The following KMO variants were observed in gnomAD, a reference collection of about 807,000 sequenced individuals.
KMO encodes the protein kynurenine 3-monooxygenase, also known as kynurenine 3-hydroxylase.
A neutral mutation model predicts 57.8 loss-of-function variants in KMO; 24 were observed. The ratio of observed to expected loss-of-function variants is 0.42; its 90% CI spans 0.30 to 0.58. KMO has a LOEUF of 0.58. KMO is among the 20% of genes least tolerant of loss of function. The pLI, the probability that KMO is intolerant of heterozygous loss-of-function variation, is 0.22. For missense variants in KMO, 483 were observed against 588.2 expected (o/e 0.82, Z 1.85); for synonymous variants, 210 against 193.6 (o/e 1.08, Z -0.70).
rs542482062 is a variant in KMO at position 241,595,029 on chromosome 1, T to C, written c.*2876T>C. On this transcript the variant is annotated 3_prime_UTR_variant, in exon 15 of 15. Transcript: ENST00000366559. ...CCACAAATATTCAGTGGGCATCTACTAGGTGACAGCCACTGTGCTATAATT... is the reference window on the plus strand; with the variant it reads ...CCACAAATATTCAGTGGGCATCTACCAGGTGACAGCCACTGTGCTATAATT... 56 of 199,490 alleles carry C rather than the reference T, an allele frequency of 2.8e-4. No individual in the cohort carries two copies. The highest frequency in any genetic ancestry group is 9.3e-4 in the South Asian group (7 of 7,500). 12.4% of individuals were successfully genotyped at this position (199,490 alleles called of 1,614,324 possible). A position where few individuals can be genotyped will look rare whatever the true frequency, so the allele number is the denominator to read the frequency against.
intron 12 of KMO, among the ~76,000 whole-genome samples, 165 bp from the exon 13 acceptor site, chr1:241,589,847 C>A (rs931455182): frequency 4.6e-5 from 7 of 152,180 alleles, no homozygotes; most frequent in African/African-American, 1.7e-4. Context: ...CCTATATGAC[C>A]GACATTTACC....
chr1:241,566,217 G>C (rs1558422787), intron 8 of KMO, among the ~76,000 whole-genome samples: 1 of 151,906 alleles, frequency 6.6e-6, no homozygotes, highest in South Asian at 2.1e-4. Flanking sequence ...AAAAGAAAAA[G>C]AAAAAAGAGT....
intron 12 of KMO, among the ~76,000 whole-genome samples, chr1:241,589,448 C>T (rs574988253): frequency 2.0e-5 from 3 of 152,128 alleles, no homozygotes; most frequent in Admixed American, 6.5e-5. Context: ...AGCTATTTGC[C>T]ATCTCTCCTG....
intron 10 of KMO, among the ~76,000 whole-genome samples, chr1:241,585,260 A>G (rs1662927074): frequency 1.3e-5 from 2 of 152,078 alleles, no homozygotes; most frequent in Admixed American, 1.3e-4. Context: ...AAATTAAATT[A>G]AATTGGAATT....
At chr1:241,535,122 A>T (rs763848408) in intron 1 of KMO, among the ~76,000 whole-genome samples, 5 of 152,176 alleles carry the variant, frequency 3.3e-5, no homozygotes, top group Non-Finnish European at 5.9e-5. Context: ...ATAAAGGTGA[A>T]AAAATAATAA....
chr1:241,586,832 A>T, intron 11 of KMO, 96 bp downstream of exon 11: 3 of 831,978 alleles, frequency 3.6e-6, no homozygotes, highest in Non-Finnish European at 5.9e-6. Flanking sequence ...CCTGTGATGT[A>T]TAATGTATAT....
At chr1:241,539,600 G>A (rs12742047) in intron 1 of KMO, among the ~76,000 whole-genome samples, 27,812 of 152,102 alleles carry the variant, frequency 0.18, 2,717 homozygotes, top group African/African-American at 0.22. Flanking sequence ...AATCTCTTTC[G>A]TGTGCTTTGC....
intron 8 of KMO, among the ~76,000 whole-genome samples, chr1:241,565,700 G>A (rs1447056133): frequency 6.6e-6 from 1 of 151,934 alleles, no homozygotes; most frequent in East Asian, 1.9e-4. Context: ...TTCCAGCCTG[G>A]ACAACAAAGC....
At chr1:241,547,583 CAAAA>C (rs112450459) in intron 1 of KMO, among the ~76,000 whole-genome samples, 1 of 86,000 alleles carries the variant, frequency 1.2e-5, no homozygotes, top group Non-Finnish European at 2.5e-5. Context: ...GACTCTGTCT[CAAAA>C]AAAAAAAAAA....
chr1:241,586,216 T>TTG (rs869049884), intron 10 of KMO, among the ~76,000 whole-genome samples: 1 of 143,174 alleles, frequency 7.0e-6, no homozygotes, highest in Admixed American at 6.9e-5. Flanking sequence ...TTTTTTTTTT[T>TTG]GAGACAGGGT....
chr1:241,535,839 A>AC, intron 1 of KMO, among the ~76,000 whole-genome samples: 1 of 152,340 alleles, frequency 6.6e-6, no homozygotes, highest in South Asian at 2.1e-4. Flanking sequence ...TCAACCTGTG[A>AC]AGGCTTCTCC....
intron 4 of KMO, among the ~76,000 whole-genome samples, chr1:241,554,075 G>A (rs1661510674): frequency 6.6e-6 from 1 of 152,080 alleles, no homozygotes; most frequent in Admixed American, 6.5e-5. Flanking sequence ...TGACTTTAAT[G>A]GGCCCCAGGT....
At chr1:241,564,650 T>A (rs1662007036) in intron 7 of KMO, among the ~76,000 whole-genome samples, 1 of 152,122 alleles carries the variant, frequency 6.6e-6, no homozygotes, top group African/African-American at 2.4e-5. Flanking sequence ...TGCATGTGTG[T>A]GTACATATAT....
chr1:241,547,274 A>G (rs1316177768), intron 1 of KMO, among the ~76,000 whole-genome samples: 1 of 152,198 alleles, frequency 6.6e-6, no homozygotes, highest in African/African-American at 2.4e-5. Context: ...ATAAAATAAA[A>G]GATTGGTGAA....
chr1:241,564,846 A>G (rs980039824), intron 7 of KMO, 141 bp from the exon 8 acceptor site: 1 of 577,978 alleles, frequency 1.7e-6, no homozygotes, highest in South Asian at 2.3e-5. Context: ...GACAACTTCT[A>G]TTTTATGTAG....
chr1:241,590,212 T>C lies in KMO; in HGVS notation c.1209T>C (p.Phe403=). 2 of 1,613,134 alleles carry C rather than the reference T, an allele frequency of 1.2e-6. No individual in the cohort carries two copies. Among genetic ancestry groups the C allele is most frequent in the Non-Finnish European group, 1.7e-6 (2 of 1,179,512 alleles). Residue 403 remains phenylalanine, a synonymous_variant, in exon 14 of 15, where the codon TTT becomes TTC. Coordinates refer to ENST00000366559, the MANE Select transcript of KMO (RefSeq NM_003679.5). Reference sequence around the variant, plus strand: ...TTTAAACTTCCCTGCAGGTCACTTTTTCCAGAATAAGATACCATGAGGCTG... The same window carrying C: ...TTTAAACTTCCCTGCAGGTCACTTTCTCCAGAATAAGATACCATGAGGCTG... ...TFIPLYTMVT[F]SRIRYHEAVQ...
Position 241,584,643 on chromosome 1 carries a change from T to TTG in KMO, c.958-2023_958-2022dup, listed in dbSNP as rs143821756. On this transcript the variant is annotated intron_variant, in intron 10 of 14. Coordinates refer to ENST00000366559, the MANE Select transcript of KMO (RefSeq NM_003679.5). ...AACATTCATTTCAAGGAATCCTAATTTGTGTGTGTGTGTGCACTAATAGCT... is the reference window on the plus strand; with the variant it reads ...AACATTCATTTCAAGGAATCCTAATTTGTGTGTGTGTGTGTGCACTAATAGCT... Among the ~76,000 whole-genome samples, 68 of 152,046 alleles carry TTG rather than the reference T, an allele frequency of 4.5e-4. 2 individuals are homozygous for TTG. In the Middle Eastern group the frequency reaches 0.01, roughly 23 times the overall value.
chr1:241,569,869 T>A (rs563721896), intron 10 of KMO, among the ~76,000 whole-genome samples: 5 of 152,248 alleles, frequency 3.3e-5, no homozygotes, highest in Admixed American at 3.3e-4. Context: ...GATAATATCA[T>A]TGTATATTTG....
intron 2 of KMO, among the ~76,000 whole-genome samples, chr1:241,549,237 GAAA>G (rs1661285453): frequency 2.0e-4 from 3 of 15,326 alleles, no homozygotes; most frequent in African/African-American, 3.4e-4. Flanking sequence ...AAGAAAGAAA[GAAA>G]GAAAGAAAGA....
Sources: allele counts gnomAD v4.1 joint callset (sites outside exome capture counted in the v4.1 genomes callset), GRCh38; gene constraint gnomAD v4.1.1; transcripts MANE v1.5; gene names NCBI Gene and HGNC (gene_info 2026-07-23, HGNC 2026-07-21).